The following FTO variants were observed in gnomAD, a reference collection of about 807,000 sequenced individuals.
FTO encodes the protein FTO alpha-ketoglutarate dependent dioxygenase, also known as alpha-ketoglutarate-dependent dioxygenase FTO.
Under a neutral mutation model 63.9 loss-of-function variants are expected in FTO, and 47 were observed. The ratio of observed to expected loss-of-function variants is 0.74; its 90% confidence interval spans 0.58 to 0.94. FTO has a LOEUF of 0.94. Ranked by LOEUF, FTO falls within the 40% of genes least tolerant of loss-of-function variation. The pLI, the probability that FTO is intolerant of heterozygous loss-of-function variation, is 0.00. For synonymous variants in FTO, 207 were observed against 224.4 expected, an observed-to-expected ratio of 0.92 and a Z score of 0.69; for missense variants, 562 against 618.1, an observed-to-expected ratio of 0.91 and a Z score of 0.96.
At chr16:53,883,330 G>T (rs572705256) in intron 6 of FTO, among the ~76,000 whole-genome samples, 1 of 152,246 alleles carries the variant, frequency 6.6e-6, no homozygotes, top group South Asian at 2.1e-4. Context: ...ATCTAAGTCT[G>T]TCTGCTTCAG....
chr16:54,080,167 G>C (rs2086107054), intron 8 of FTO, among the ~76,000 whole-genome samples: 1 of 152,078 alleles, frequency 6.6e-6, no homozygotes, highest in African/African-American at 2.4e-5. Flanking sequence ...CAGGAGGATT[G>C]CTTGAGGCCA....
At chr16:53,887,442 G>A (rs1424497178) in intron 6 of FTO, among the ~76,000 whole-genome samples, 2 of 152,100 alleles carry the variant, frequency 1.3e-5, no homozygotes, top group Non-Finnish European at 2.9e-5. Flanking sequence ...AGACCACATG[G>A]GCTGTTTGGG....
At position 54,118,202 on chromosome 16, in the gene FTO, G is replaced by A. The variant is rs2086984791; in HGVS notation, c.*6287G>A. The A allele has an allele frequency of 6.6e-6, 1 of 152,134 alleles. No individual in the cohort carries two copies. The highest frequency in any genetic ancestry group is 1.5e-5 in the Non-Finnish European group (1 of 68,026). The allele number at this position is 152,134 out of a possible 1,614,324, so 9.4% of individuals were successfully genotyped here. On this transcript the variant is annotated 3_prime_UTR_variant, in exon 9 of 9. Coordinates refer to ENST00000471389, the MANE Select transcript of FTO (RefSeq NM_001080432.3). ...CTGAGAGATGGGAAGTGCTGGCCTA[G>A]GACAGCAAGGTGCCCTACAGGTGGG... is the stretch of plus-strand genomic sequence containing the variant.
intron 7 of FTO, among the ~76,000 whole-genome samples, chr16:53,925,484 C>T (rs1399532707): frequency 6.6e-6 from 1 of 151,736 alleles, no homozygotes; most frequent in Non-Finnish European, 1.5e-5. Context: ...TTTTAATGAA[C>T]TCTGAAGAGG....
At chr16:54,038,399 T>C (rs905407614) in intron 8 of FTO, among the ~76,000 whole-genome samples, 1 of 152,130 alleles carries the variant, frequency 6.6e-6, no homozygotes, top group Admixed American at 6.5e-5. Flanking sequence ...AGCAGCTGCA[T>C]TGTGATTATG....
At chr16:53,995,792 G>T (rs1210789649) in intron 8 of FTO, among the ~76,000 whole-genome samples, 1 of 152,138 alleles carries the variant, frequency 6.6e-6, no homozygotes, top group African/African-American at 2.4e-5. Flanking sequence ...GCCTGAGATG[G>T]TAAATCACGC....
At chr16:54,080,405 C>T (rs1162916602) in intron 8 of FTO, among the ~76,000 whole-genome samples, 4 of 152,166 alleles carry the variant, frequency 2.6e-5, no homozygotes, top group African/African-American at 7.2e-5. Flanking sequence ...TTCACGATCT[C>T]GTTGAGTCCT....
At chr16:53,921,647 T>C (rs533013456) in intron 7 of FTO, among the ~76,000 whole-genome samples, 2 of 152,290 alleles carry the variant, frequency 1.3e-5, no homozygotes, top group South Asian at 4.1e-4. Flanking sequence ...CGTGGAAGTA[T>C]TTGGAGAGAA....
rs920233004 is a variant in FTO, at chr16:53,844,221, G to C, written c.818G>C (p.Gly273Ala). 5.6e-6 allele frequency: 9 copies of C among 1,613,452 alleles called. No homozygotes were observed. Among genetic ancestry groups the C allele is most frequent in the Non-Finnish European group, 5.9e-6 (7 of 1,179,574 alleles). ...EGRDPDIWHVGFKISWDIETP... is the reference protein window; with the variant it reads ...EGRDPDIWHVAFKISWDIETP... Reference sequence around the variant, plus strand: ...AGGGATCCTGATATTTGGCATGTTGGTTTTAAGATCTCATGGGACATAGAG... The same window carrying C: ...AGGGATCCTGATATTTGGCATGTTGCTTTTAAGATCTCATGGGACATAGAG... Residue 273 changes from glycine (G) to alanine (A), a missense_variant, in exon 4 of 9, where the codon GGT (glycine) becomes GCT (alanine). Transcript: ENST00000471389.
chr16:53,840,468 G>C (rs980019264), intron 3 of FTO, among the ~76,000 whole-genome samples: 2 of 152,156 alleles, frequency 1.3e-5, no homozygotes, highest in Non-Finnish European at 2.9e-5. Context: ...GTAGACATCA[G>C]ATCACAAATA....
At chr16:53,890,387 A>C (rs1264729009) in intron 7 of FTO, among the ~76,000 whole-genome samples, 1 of 152,174 alleles carries the variant, frequency 6.6e-6, no homozygotes, top group South Asian at 2.1e-4. Context: ...CATCACCTCC[A>C]AAAGTTTTCT....
At chr16:53,710,899 AGT>A (rs1168962591) in intron 1 of FTO, among the ~76,000 whole-genome samples, 1 of 152,104 alleles carries the variant, frequency 6.6e-6, no homozygotes, top group East Asian at 1.9e-4. Flanking sequence ...ATAGTGGTGT[AGT>A]GTGGAGCTTT....
In FTO at chr16:54,096,217, A is replaced by C. The variant is rs571931665; in HGVS notation, c.1365-15545A>C. 2.6e-5 allele frequency among the ~76,000 whole-genome samples: 4 copies of C among 152,348 alleles called. No homozygotes were observed. The East Asian group carries it at 7.7e-4, about 29-fold the overall frequency. On this transcript the variant is annotated intron_variant, in intron 8 of 8. Coordinates refer to ENST00000471389, the MANE Select transcript of FTO (RefSeq NM_001080432.3). ...TCTTCTTGATCACTGACCCAGCGGC[A>C]TAGATATTTATGTGGGACAAAGCAA... is the stretch of plus-strand genomic sequence containing the variant.
intron 8 of FTO, among the ~76,000 whole-genome samples, chr16:53,988,451 T>A (rs1189589478): frequency 2.6e-5 from 4 of 152,190 alleles, no homozygotes; most frequent in Admixed American, 6.5e-5. Flanking sequence ...AGGGTTTTTT[T>A]AATCTGTAAG....
At position 54,023,988 on chromosome 16, in the gene FTO, T is replaced by C. The variant is rs561531770; in HGVS notation, c.1365-87774T>C. The stretch of plus-strand genomic sequence containing the variant: ...TTTTATAATTATGCATTTTAAAGAC[T>C]GATAATGCGTTGTTTATATACTATT... On this transcript the variant is annotated intron_variant, in intron 8 of 8. Transcript: ENST00000471389. Among the ~76,000 whole-genome samples, 23 of 152,354 alleles carry C rather than the reference T, an allele frequency of 1.5e-4. 1 individual carries two copies. The South Asian group carries it at 4.8e-3, about 32-fold the overall frequency.
chr16:53,995,959 A>G (rs1182514705), intron 8 of FTO, among the ~76,000 whole-genome samples: 1 of 152,164 alleles, frequency 6.6e-6, no homozygotes, highest in African/African-American at 2.4e-5. Context: ...CTTCCTGGTA[A>G]AAAGACAGAG....
At chr16:53,768,696 A>G (rs1037438755) in intron 1 of FTO, among the ~76,000 whole-genome samples, 2 of 152,138 alleles carry the variant, frequency 1.3e-5, no homozygotes, top group African/African-American at 2.4e-5. Context: ...CATCTGAAAT[A>G]TGCATTTAAT....
chr16:53,873,421 T>C (rs896554249), intron 4 of FTO, among the ~76,000 whole-genome samples: 17 of 151,114 alleles, frequency 1.1e-4, no homozygotes, highest in African/African-American at 4.1e-4. Flanking sequence ...TATGATAGAA[T>C]ATATACATAT....
chr16:53,919,319 C>T (rs1164870505), intron 7 of FTO, among the ~76,000 whole-genome samples: 4 of 151,962 alleles, frequency 2.6e-5, no homozygotes, highest in East Asian at 3.9e-4. Context: ...CAGAAAGTGT[C>T]GAGGTTAAGA....
Sources: gnomAD v4.1 joint callset for allele counts (sites outside exome capture counted in the v4.1 genomes callset) on GRCh38, gnomAD v4.1.1 for gene constraint, MANE v1.5 for transcripts, NCBI Gene and HGNC (gene_info 2026-07-23, HGNC 2026-07-21) for gene names.